CPNE5: variants seen among roughly 807,000 people sequenced by gnomAD.
CPNE5 encodes copine-5.
In CPNE5, 42 loss-of-function variants were observed where a neutral mutation model predicts 81.1. The observed-to-expected ratio is 0.52, with a 90% CI of 0.40 to 0.67. CPNE5 has a LOEUF of 0.67. CPNE5 is among the 30% of genes least tolerant of loss of function. The pLI is 0.00. For missense variants in CPNE5, 612 were observed against 815.5 expected, an observed-to-expected ratio of 0.75 and a Z score of 3.04; for synonymous variants, 313 against 321.5, an observed-to-expected ratio of 0.97 and a Z score of 0.28.
chr6:36,756,098 A>ACCCCC, intron 13 of CPNE5, 147 bp downstream of exon 13: 3 of 235,640 alleles, frequency 1.3e-5, no homozygotes, highest in Non-Finnish European at 1.6e-5. Flanking sequence ...CATCTGCCCC[A>ACCCCC]CCCCTCCCCA....
chr6:36,785,211 G>A (rs181716463), intron 8 of CPNE5, among the ~76,000 whole-genome samples: 144 of 152,202 alleles, frequency 9.5e-4, no homozygotes, highest in African/African-American at 3.3e-3. Flanking sequence ...TGGCATCTTA[G>A]ACCTCCCTCC....
At position 36,746,964 on chromosome 6, in the gene CPNE5, A is replaced by G. The variant is rs1012717309; in HGVS notation, c.1019-387T>C. On this transcript the variant is annotated intron_variant, in intron 15 of 20. Coordinates refer to ENST00000244751, the MANE Select transcript of CPNE5 (RefSeq NM_020939.2). This position sits in a 1 kb window ranked among gnomAD's most constrained non-coding sequence, Gnocchi z 4.5. ...CAAAATGAAACCCAAAGTCCTCACA[A>G]GAGCCCGCAAGCACTCATGATCTGG... Among the ~76,000 whole-genome samples, 1 of 104 alleles carries G rather than the reference A, an allele frequency of 9.6e-3. No individual in the cohort carries two copies. Among genetic ancestry groups the G allele is most frequent in the African/African-American group, 0.045 (1 of 22 alleles). The allele number at this position is 104 out of a possible 152,430, so 0.1% of individuals were successfully genotyped here. A position where few individuals can be genotyped will look rare whatever the true frequency, so the allele number is the denominator to read the frequency against.
chr6:36,753,002 A>T, intron 14 of CPNE5, 32 bp downstream of exon 14: 1 of 1,573,628 alleles, frequency 6.4e-7, no homozygotes, highest in Middle Eastern at 1.8e-4. Flanking sequence ...CCTCTCCCCA[A>T]GGCCCATGAA....
At chr6:36,753,009 T>G in intron 14 of CPNE5, 25 bp downstream of exon 14, 1 of 1,593,402 alleles carries the variant, frequency 6.3e-7, no homozygotes, top group Non-Finnish European at 8.6e-7. Context: ...CCAAGGCCCA[T>G]GAAATTGGCT....
At chr6:36,827,394 C>T in intron 1 of CPNE5, 3 of 985,390 alleles carry the variant, frequency 3.0e-6, no homozygotes, top group Non-Finnish European at 3.6e-6. Flanking sequence ...CTCACCCCTG[C>T]CCCGGGGTAT....
chr6:36,828,776 C>T (rs576613896), intron 1 of CPNE5, among the ~76,000 whole-genome samples: 3 of 152,288 alleles, frequency 2.0e-5, no homozygotes, highest in African/African-American at 7.2e-5. Context: ...CCTAAGCATC[C>T]GTCCAACCTT....
At chr6:36,773,643 A>G (rs988206587) in intron 10 of CPNE5, among the ~76,000 whole-genome samples, 1 of 152,184 alleles carries the variant, frequency 6.6e-6, no homozygotes, top group Non-Finnish European at 1.5e-5. Context: ...GTGAGCGTCA[A>G]TGCAGTCCTG....
Position 36,807,631 on chromosome 6 carries a change from C to T in CPNE5, c.184-7561G>A, listed in dbSNP as rs1279980005. Among the ~76,000 whole-genome samples, 5 of 152,150 alleles carry T rather than the reference C, an allele frequency of 3.3e-5. No homozygotes were observed. In the East Asian group the frequency reaches 9.6e-4, roughly 29 times the overall value. The stretch of plus-strand genomic sequence containing the variant: ...GCTCCCACTCCTTTCTGCTCATCTT[C>T]CACACCTGAGAGGGTTTTCGTCCTC... On this transcript the variant is annotated intron_variant, in intron 3 of 20. Transcript: ENST00000244751.
rs567300125 is a variant in CPNE5, at chr6:36,779,813, C to T, written c.529-856G>A. Among the ~76,000 whole-genome samples, 5 of 152,294 alleles carry T rather than the reference C, an allele frequency of 3.3e-5. No individual in the cohort carries two copies. In the East Asian group the frequency reaches 7.7e-4, roughly 24 times the overall value. On this transcript the variant is annotated intron_variant, in intron 8 of 20. Coordinates refer to ENST00000244751, the MANE Select transcript of CPNE5 (RefSeq NM_020939.2). The stretch of plus-strand genomic sequence containing the variant: ...CACTGGGCAGAGATGTCCCTGTTGT[C>T]CCCTTCACCCCTCCCGTGTGGCCTC...
intron 9 of CPNE5, among the ~76,000 whole-genome samples, chr6:36,776,248 C>T (rs941400522): frequency 1.3e-5 from 2 of 152,200 alleles, no homozygotes; most frequent in Non-Finnish European, 2.9e-5. Flanking sequence ...AGAAAGGTCA[C>T]CCAAATAAGT....
At chr6:36,744,420 C>A in intron 18 of CPNE5, 95 bp from the exon 19 acceptor site, 1 of 955,240 alleles carries the variant, frequency 1.0e-6, no homozygotes, top group East Asian at 2.6e-5. Context: ...AAGGGGTGGG[C>A]AGGAAAGAAA....
chr6:36,763,373 CG>C (rs1206275149), intron 11 of CPNE5, among the ~76,000 whole-genome samples: 1 of 152,142 alleles, frequency 6.6e-6, no homozygotes, highest in Non-Finnish European at 1.5e-5. Flanking sequence ...GAGGCCAAGG[CG>C]GGCAGATCAC....
At chr6:36,771,375 A>G (rs980503113) in intron 10 of CPNE5, among the ~76,000 whole-genome samples, 3 of 152,228 alleles carry the variant, frequency 2.0e-5, no homozygotes, top group African/African-American at 7.2e-5. Context: ...ACACTGGGCA[A>G]GTGACTTAAT....
intron 6 of CPNE5, among the ~76,000 whole-genome samples, chr6:36,797,689 G>A (rs1403482913): frequency 2.6e-5 from 4 of 152,172 alleles, no homozygotes; most frequent in African/African-American, 9.7e-5. Context: ...TAAGGTCAGG[G>A]ACCATCAGGG....
Position 36,819,370 on chromosome 6 carries a change from G to A in CPNE5, c.183+2744C>T, listed in dbSNP as rs533023483. 7.7e-4 allele frequency among the ~76,000 whole-genome samples: 117 copies of A among 152,340 alleles called. 1 individual carries two copies. The highest frequency in any genetic ancestry group is 2.8e-3 in the African/African-American group (116 of 41,568). On this transcript the variant is annotated intron_variant, in intron 3 of 20. Coordinates refer to ENST00000244751, the MANE Select transcript of CPNE5 (RefSeq NM_020939.2). ...CTGCCTCTGCCTCCCACAGTGCTGG[G>A]ATTACAGGCATGAGCCACGGCGTCT...
At chr6:36,763,143 G>A (rs1235858482) in intron 11 of CPNE5, 151 bp from the exon 12 acceptor site, 2 of 687,560 alleles carry the variant, frequency 2.9e-6, no homozygotes, top group African/African-American at 3.5e-5. Flanking sequence ...GGGTCCGTGG[G>A]AAGAGAGCCC....
chr6:36,757,966 G>A (rs577070212), intron 12 of CPNE5, among the ~76,000 whole-genome samples: 8 of 152,236 alleles, frequency 5.3e-5, no homozygotes, highest in African/African-American at 4.8e-5. Context: ...GTCACCCAGC[G>A]GCCTGCAGGG....
At chr6:36,785,210 A>T (rs1023172189) in intron 8 of CPNE5, among the ~76,000 whole-genome samples, 4 of 152,186 alleles carry the variant, frequency 2.6e-5, no homozygotes, top group South Asian at 2.1e-4. Context: ...CTGGCATCTT[A>T]GACCTCCCTC....
chr6:36,750,058 G>C (rs1374272299), intron 14 of CPNE5, among the ~76,000 whole-genome samples: 1 of 152,204 alleles, frequency 6.6e-6, no homozygotes. Context: ...AGTTTGTCTG[G>C]AGTGGCTCCC....
Sources: gnomAD v4.1 joint callset for allele counts (sites outside exome capture counted in the v4.1 genomes callset) on GRCh38, gnomAD v4.1.1 for gene constraint, Gnocchi (gnomAD v3.1) non-coding constraint, MANE v1.5 for transcripts, NCBI Gene and HGNC (gene_info 2026-07-23, HGNC 2026-07-21) for gene names.